Variants in TTLL7 observed in about 807,000 individuals in gnomAD.
TTLL7 encodes tubulin polyglutamylase TTLL7.
In TTLL7, 53 loss-of-function variants were observed where a neutral mutation model predicts 120.2. The observed-to-expected ratio is 0.44, with a 90% CI of 0.35 to 0.55. The LOEUF is 0.55. TTLL7 is among the 20% of genes least tolerant of loss of function. The pLI is 0.00. For synonymous variants in TTLL7, 353 were observed against 351.7 expected (o/e 1.00, Z -0.04); for missense variants, 803 against 1,054.7 (o/e 0.76, Z 3.31).
chr1:83,956,688 C>A (rs1253194759), intron 1 of TTLL7, among the ~76,000 whole-genome samples: 11 of 152,188 alleles, frequency 7.2e-5, no homozygotes, highest in African/African-American at 2.4e-4. Flanking sequence ...CCTCGGCCTC[C>A]CAAAGTGCTG....
rs1373379800 is a variant in TTLL7 at position 83,911,273 on chromosome 1, A to T, written c.1678T>A (p.Ser560Thr). 1 of 1,613,576 alleles carries T rather than the reference A, an allele frequency of 6.2e-7. No individual in the cohort carries two copies. The highest frequency in any genetic ancestry group is 8.5e-7 in the Non-Finnish European group (1 of 1,179,704). Residue 560 changes from serine to threonine, a missense_variant, in exon 15 of 21, where the codon TCA (serine) becomes ACA (threonine). By Grantham distance (58) the Ser-to-Thr change is moderately conservative. Around this residue, in one of 3 missense-constraint regions of TTLL7, gnomAD observed 388 missense variants for 450.4 expected, o/e 0.86. Transcript: ENST00000260505. Reference protein sequence around the residue: ...DSSYDSSSSSSESDENEKEEY... With the variant: ...DSSYDSSSSSTESDENEKEEY... ...TCTTTTTCATTTTCGTCAGATTCTGAAGAGCTGCTGCTACTATCATAACTG... is the reference window on the plus strand; with the variant it reads ...TCTTTTTCATTTTCGTCAGATTCTGTAGAGCTGCTGCTACTATCATAACTG...
At chr1:83,938,083 A>G in intron 7 of TTLL7, 67 bp from the exon 8 acceptor site, 1 of 1,469,866 alleles carries the variant, frequency 6.8e-7, no homozygotes, top group East Asian at 2.3e-5. Context: ...TTTCAGAGGA[A>G]AAAAAGACAC....
At chr1:83,894,256 T>A (rs1369309420) in intron 18 of TTLL7, among the ~76,000 whole-genome samples, 3 of 152,144 alleles carry the variant, frequency 2.0e-5, no homozygotes, top group African/African-American at 7.2e-5. Flanking sequence ...ATAACCCATG[T>A]ATTAGTCTCA....
In TTLL7 at chr1:83,921,477, A is replaced by G. The variant is rs1006539888; in HGVS notation, c.1143-83T>C. On this transcript the variant is annotated intron_variant, in intron 10 of 20. Coordinates refer to ENST00000260505, the MANE Select transcript of TTLL7 (RefSeq NM_024686.6). ...CTGTGAGGAGAATTTGCAGAACAGG[A>G]GACATAGTGAAGCTCAGAATCAATG... 2.8e-6 allele frequency: 4 copies of G among 1,441,334 alleles called. No homozygotes were observed. The African/African-American group carries it at 5.7e-5, about 21-fold the overall frequency. The allele number at this position is 1,441,334 out of a possible 1,614,324, so 89.3% of individuals were successfully genotyped here.
intron 1 of TTLL7, among the ~76,000 whole-genome samples, chr1:83,976,680 T>G (rs1571363642): frequency 6.6e-6 from 1 of 152,102 alleles, no homozygotes; most frequent in Non-Finnish European, 1.5e-5. Context: ...AAGACAAACT[T>G]TGAAAGTAGC....
At chr1:83,889,800 A>G (rs1280058576) in intron 19 of TTLL7, 1 of 387,072 alleles carries the variant, frequency 2.6e-6, no homozygotes, top group Admixed American at 3.0e-5. Flanking sequence ...GATTTGGCAA[A>G]TGACTGAATA....
intron 1 of TTLL7, among the ~76,000 whole-genome samples, chr1:83,954,096 G>T (rs895434703): frequency 2.0e-5 from 3 of 152,098 alleles, no homozygotes; most frequent in Non-Finnish European, 2.9e-5. Flanking sequence ...CCAACATCTT[G>T]TTACTGGAGT....
intron 1 of TTLL7, among the ~76,000 whole-genome samples, chr1:83,989,299 T>C (rs541992843): frequency 6.6e-6 from 1 of 152,206 alleles, no homozygotes; most frequent in African/African-American, 2.4e-5. Context: ...AGGATTTTTA[T>C]AGTTTGAGGA....
chr1:83,921,240 T>C lies in TTLL7; in HGVS notation c.1290+7A>G, dbSNP rs536081760. On this transcript the variant is annotated splice_region_variant and intron_variant, in intron 11 of 20. Transcript: ENST00000260505. ...AAATTGTGGGTACTTTCTTAAAACTTTCATACCAACTCTTCTTTCCGCCTC... is the reference window on the plus strand; with the variant it reads ...AAATTGTGGGTACTTTCTTAAAACTCTCATACCAACTCTTCTTTCCGCCTC... 2.5e-6 allele frequency: 4 copies of C among 1,611,686 alleles called. No homozygotes were observed. The Admixed American group carries it at 5.0e-5, about 20-fold the overall frequency.
At chr1:83,981,695 G>C (rs1651971127) in intron 1 of TTLL7, 1 of 152,436 alleles carries the variant, frequency 6.6e-6, no homozygotes, top group South Asian at 2.1e-4. Context: ...AGCCAGGCAT[G>C]GTGGCGGGCG....
chr1:83,974,717 C>T (rs1651305576), intron 1 of TTLL7, among the ~76,000 whole-genome samples: 2 of 151,946 alleles, frequency 1.3e-5, no homozygotes, highest in African/African-American at 4.8e-5. Context: ...CAATACATCC[C>T]TGCTAAAATT....
chr1:83,895,084 T>G (rs12127266), intron 18 of TTLL7, among the ~76,000 whole-genome samples: 65,812 of 151,904 alleles, frequency 0.43, 15,619 homozygotes, highest in Non-Finnish European at 0.54. Context: ...TAAGGAAAAC[T>G]TTACCTGCCA....
intron 3 of TTLL7, among the ~76,000 whole-genome samples, chr1:83,951,218 G>A (rs563010856): frequency 2.6e-5 from 4 of 152,090 alleles, no homozygotes; most frequent in African/African-American, 4.8e-5. Context: ...GTGTGGTGGC[G>A]GGCGCCTGTA....
At chr1:83,979,888 T>C (rs1571374263) in intron 1 of TTLL7, 1 of 152,208 alleles carries the variant, frequency 6.6e-6, no homozygotes, top group African/African-American at 2.4e-5. Context: ...AAAGGATTAC[T>C]AATGAAAACA....
Position 83,866,741 on chromosome 1 carries a change from C to T in TTLL7, c.*3221G>A, listed in dbSNP as rs879658266. 1 of 151,632 alleles carries T rather than the reference C, an allele frequency of 6.6e-6. No homozygotes were observed. Among genetic ancestry groups the T allele is most frequent in the African/African-American group, 2.4e-5 (1 of 41,326 alleles). 9.4% of individuals were successfully genotyped at this position (151,632 alleles called of 1,614,324 possible). On this transcript the variant is annotated 3_prime_UTR_variant, in exon 21 of 21. Coordinates refer to ENST00000260505, the MANE Select transcript of TTLL7 (RefSeq NM_024686.6). Reference sequence around the variant, plus strand: ...CATATTTAAGGTAAATGCAATGCTACTAAAATAAAAATTTGTTGCTAGTAA... The same window carrying T: ...CATATTTAAGGTAAATGCAATGCTATTAAAATAAAAATTTGTTGCTAGTAA...
At chr1:83,948,749 G>A (rs559247597) in intron 4 of TTLL7, 54 bp from the exon 5 acceptor site, 31 of 1,243,496 alleles carry the variant, frequency 2.5e-5, no homozygotes, top group Non-Finnish European at 2.9e-5. Flanking sequence ...TTATATTCAT[G>A]TATACGACAA....
chr1:83,916,327 T>C (rs1264314690), intron 14 of TTLL7, among the ~76,000 whole-genome samples: 2 of 152,152 alleles, frequency 1.3e-5, no homozygotes, highest in South Asian at 4.1e-4. Context: ...AAGGATGAGT[T>C]CATGTCCTTT....
intron 1 of TTLL7, among the ~76,000 whole-genome samples, chr1:83,972,044 C>G (rs1003459942): frequency 6.6e-6 from 1 of 151,942 alleles, no homozygotes; most frequent in Non-Finnish European, 1.5e-5. Flanking sequence ...CACACATACC[C>G]TCCCCCATTA....
chr1:83,944,309 T>G (rs1648264190), intron 6 of TTLL7, among the ~76,000 whole-genome samples: 1 of 152,140 alleles, frequency 6.6e-6, no homozygotes. Flanking sequence ...AGAAGCTCAA[T>G]TACCTCCAAG....
Sources: allele counts gnomAD v4.1 joint callset (sites outside exome capture counted in the v4.1 genomes callset), GRCh38; gene constraint gnomAD v4.1.1; regional missense constraint gnomAD v4.1.1; transcripts MANE v1.5; gene names NCBI Gene and HGNC (gene_info 2026-07-23, HGNC 2026-07-21).